Variants in RAB9B observed in about 807,000 individuals in gnomAD.
RAB9B encodes ras-related protein Rab-9B.
A neutral mutation model predicts 8.9 loss-of-function variants in RAB9B; 1 was observed. That is an observed-to-expected ratio of 0.11 (90% CI 0.04 to 0.53). The LOEUF is 0.53. RAB9B is among the 20% of genes least tolerant of loss of function. The probability of loss-of-function intolerance (pLI) is 0.93; values close to 1 mark genes in which losing one functional copy is unlikely to be tolerated. For missense variants in RAB9B, 82 were observed against 152.9 expected, an observed-to-expected ratio of 0.54 and a Z score of 2.45; for synonymous variants, 63 against 57.0, an observed-to-expected ratio of 1.10 and a Z score of -0.47.
chrX:103,786,796 G>C, the RAB9B span: 7 of 1,097,717 alleles, frequency 6.4e-6, no homozygotes, highest in East Asian at 1.2e-4. Context: ...CTGTGGCCTC[G>C]TCCCCACCCA....
chrX:103,809,543 G>A, the RAB9B span, among the ~76,000 whole-genome samples: 1 of 112,293 alleles, frequency 8.9e-6, no homozygotes, highest in Non-Finnish European at 1.9e-5. Flanking sequence ...CAGGTGATCT[G>A]CCTGCCTTGG....
downstream of RAB9B, among the ~76,000 whole-genome samples, chrX:103,818,879 T>C (rs2074649548): frequency 8.9e-6 from 1 of 111,779 alleles, no homozygotes; most frequent in Non-Finnish European, 1.9e-5. Flanking sequence ...CTACGGTGGA[T>C]GTGTATGGCT....
the RAB9B span, chrX:103,790,874 A>G: frequency 8.1e-6 from 3 of 369,285 alleles, no homozygotes; most frequent in South Asian, 8.8e-5. Context: ...TCACAAAGGA[A>G]TGGAGGCTCT....
chrX:103,789,353 G>C, the RAB9B span: 1 of 1,207,817 alleles, frequency 8.3e-7, no homozygotes, highest in South Asian at 1.8e-5. Flanking sequence ...CCTTCCACCT[G>C]TTTATTGCTG....
the RAB9B span, chrX:103,785,891 G>A: frequency 2.8e-5 from 21 of 751,842 alleles, no homozygotes; most frequent in Non-Finnish European, 4.1e-5. Context: ...CCGGATTCCC[G>A]AGTCTTCCCT....
Position 103,825,607 on chromosome X carries a change from T to C in RAB9B, c.178A>G (p.Ile60Val). ...CGTTCCTGCCCTGCAGTGTCCCAGA[T>C]CTGGAGGGTTACAAAGCGTCCATCT... ...EVDGRFVTLQIWDTAGQERFK... is the reference protein window; with the variant it reads ...EVDGRFVTLQVWDTAGQERFK... The change falls in exon 3 of 3, where the codon ATC becomes GTC. Residue 60 changes from isoleucine (I) to valine (V), a missense_variant. Transcript: ENST00000243298. The C allele has an allele frequency of 8.3e-7, 1 of 1,210,566 alleles. No individual in the cohort carries two copies. The highest frequency in any genetic ancestry group is 1.1e-6 in the Non-Finnish European group (1 of 894,629).
the RAB9B span, among the ~76,000 whole-genome samples, chrX:103,802,252 CAGAG>C: frequency 1.6e-3 from 151 of 93,863 alleles, 1 homozygote; most frequent in African/African-American, 3.0e-3. Context: ...GGGAGAGAGA[CAGAG>C]AGAGAGAGAG....
At chrX:103,788,585 T>G in the RAB9B span, 2 of 800,513 alleles carry the variant, frequency 2.5e-6, no homozygotes, top group Middle Eastern at 2.8e-4. Flanking sequence ...CCTTCAATTT[T>G]AAGGACTGAA....
At chrX:103,787,965 T>C in the RAB9B span, 1 of 1,205,283 alleles carries the variant, frequency 8.3e-7, no homozygotes, top group Non-Finnish European at 1.1e-6. Context: ...CCAGAATGTA[T>C]GGTGAGTTAG....
chrX:103,802,689 T>C, the RAB9B span, among the ~76,000 whole-genome samples: 1 of 110,075 alleles, frequency 9.1e-6, no homozygotes, highest in Admixed American at 9.5e-5. Context: ...AATTGACCCA[T>C]TTAAAGTGTG....
At chrX:103,794,463 T>C in the RAB9B span, among the ~76,000 whole-genome samples, 3 of 111,709 alleles carry the variant, frequency 2.7e-5, no homozygotes, top group Non-Finnish European at 5.6e-5. Flanking sequence ...TGAATCAAGA[T>C]TGATATAAAC....
At chrX:103,790,693 C>A in the RAB9B span, 1 of 649,217 alleles carries the variant, frequency 1.5e-6, no homozygotes, top group Non-Finnish European at 2.6e-6. Context: ...CCTTTGCCAC[C>A]AACTGGCCCT....
chrX:103,790,700 C>T, the RAB9B span: 11,950 of 625,096 alleles, frequency 0.019, 123 homozygotes, highest in Non-Finnish European at 0.021. Context: ...CACCAACTGG[C>T]CCTCTTCTTA....
At chrX:103,790,606 T>C in the RAB9B span, 1 of 1,174,010 alleles carries the variant, frequency 8.5e-7, no homozygotes, top group Non-Finnish European at 1.2e-6. Flanking sequence ...TGATCCCCCG[T>C]AGAAATCCCC....
At chrX:103,780,051 C>T in the RAB9B span, 1 of 113,112 alleles carries the variant, frequency 8.8e-6, no homozygotes, top group Admixed American at 9.3e-5. Flanking sequence ...CAGTGCCAAA[C>T]TTACATCAAA....
At chrX:103,787,576 C>T in the RAB9B span, 1 of 450,293 alleles carries the variant, frequency 2.2e-6, no homozygotes, top group Non-Finnish European at 3.9e-6. Flanking sequence ...CTCACTCTTC[C>T]CCTACCCATT....
chrX:103,827,308 A>G (rs1479350530), intron 1 of RAB9B, among the ~76,000 whole-genome samples: 1 of 112,055 alleles, frequency 8.9e-6, no homozygotes, highest in African/African-American at 3.2e-5. Flanking sequence ...TGTAATTTAT[A>G]TAATTTTTTA....
At chrX:103,826,793 A>C (rs1250714874) in intron 2 of RAB9B, among the ~76,000 whole-genome samples, 1 of 112,001 alleles carries the variant, frequency 8.9e-6, no homozygotes, top group Non-Finnish European at 1.9e-5. Flanking sequence ...AATAGACCCA[A>C]AGGGATGAAA....
rs1384313827 is a variant in RAB9B, at chrX:103,824,847, C to T, written c.*332G>A. On this transcript the variant is annotated 3_prime_UTR_variant, in exon 3 of 3. Coordinates refer to ENST00000243298, the MANE Select transcript of RAB9B (RefSeq NM_016370.4). Reference sequence around the variant, plus strand: ...TTAAGAAATAGTTGTAGCTCTTTAACTCCTTCATGCAGCTGGGTTCTAGGT... The same window carrying T: ...TTAAGAAATAGTTGTAGCTCTTTAATTCCTTCATGCAGCTGGGTTCTAGGT... 1 of 129,944 alleles carries T rather than the reference C, an allele frequency of 7.7e-6. No homozygotes were observed. Among genetic ancestry groups the T allele is most frequent in the African/African-American group, 3.2e-5 (1 of 31,276 alleles). 10.7% of individuals were successfully genotyped at this position (129,944 alleles called of 1,213,427 possible).
Sources: allele counts gnomAD v4.1 joint callset (sites outside exome capture counted in the v4.1 genomes callset), GRCh38; gene constraint gnomAD v4.1.1; transcripts MANE v1.5; gene names NCBI Gene and HGNC (gene_info 2026-07-23, HGNC 2026-07-21).